Variants in MAN1A2 observed in about 807,000 individuals in gnomAD.
The protein encoded by MAN1A2 is mannosidase alpha class 1A member 2, also known as mannosyl-oligosaccharide 1,2-alpha-mannosidase IB.
A neutral mutation model predicts 75.7 loss-of-function variants in MAN1A2; 26 were observed. The observed-to-expected ratio is 0.34, with a 90% confidence interval of 0.25 to 0.48. MAN1A2 has a LOEUF of 0.48. Among genes scored for constraint, MAN1A2 ranks in the 20% least tolerant of loss-of-function variants. The pLI is 0.99. For missense variants in MAN1A2, 562 were observed against 775.5 expected, an observed-to-expected ratio of 0.72 and a Z score of 3.27; for synonymous variants, 247 against 264.6, an observed-to-expected ratio of 0.93 and a Z score of 0.65.
chr1:117,398,436 G>T (rs1324591602), intron 1 of MAN1A2, among the ~76,000 whole-genome samples: 1 of 152,196 alleles, frequency 6.6e-6, no homozygotes, highest in African/African-American at 2.4e-5. Context: ...CACTTTGGGA[G>T]CCTGAGGTGG....
intron 3 of MAN1A2, among the ~76,000 whole-genome samples, chr1:117,406,056 G>A (rs529340985): frequency 1.3e-5 from 2 of 152,126 alleles, no homozygotes; most frequent in South Asian, 2.1e-4. Flanking sequence ...GACATACCTG[G>A]GATGATTGGG....
At chr1:117,509,954 A>T (rs950565628) in intron 12 of MAN1A2, among the ~76,000 whole-genome samples, 4 of 151,678 alleles carry the variant, frequency 2.6e-5, no homozygotes, top group Admixed American at 6.6e-5. Context: ...TATAATATAT[A>T]TCCTTTAGCC....
At position 117,469,596 on chromosome 1, in the gene MAN1A2, ACTC is replaced by A. The variant is rs1650086059; in HGVS notation, c.1168+3172_1168+3174del. ...GGTCTATACACAGAATATATAAAGA[ACTC>A]CTACAACTCACTAACAGAAGGCAAA... On this transcript the variant is annotated intron_variant, in intron 8 of 12. Coordinates refer to ENST00000356554, the MANE Select transcript of MAN1A2 (RefSeq NM_006699.5). Among the ~76,000 whole-genome samples, 2 of 152,070 alleles carry A rather than the reference ACTC, an allele frequency of 1.3e-5. 1 individual carries two copies. The highest frequency in any genetic ancestry group is 4.2e-4 in the South Asian group (2 of 4,818).
At chr1:117,383,056 T>G (rs184683631) in intron 1 of MAN1A2, among the ~76,000 whole-genome samples, 1 of 152,338 alleles carries the variant, frequency 6.6e-6, no homozygotes, top group East Asian at 1.9e-4. Flanking sequence ...TTGCTAGAAC[T>G]TCCAGTACAG....
chr1:117,453,905 C>A (rs1381024189), intron 6 of MAN1A2, among the ~76,000 whole-genome samples: 1 of 152,114 alleles, frequency 6.6e-6, no homozygotes, highest in African/African-American at 2.4e-5. Flanking sequence ...TTGCCCCAGC[C>A]ACCCCAGCCT....
At chr1:117,403,066 T>C (rs1364602060) in intron 2 of MAN1A2, among the ~76,000 whole-genome samples, 3 of 152,198 alleles carry the variant, frequency 2.0e-5, no homozygotes, top group Non-Finnish European at 4.4e-5. Context: ...AATATTTGGG[T>C]TAAACTTTGT....
intron 7 of MAN1A2, among the ~76,000 whole-genome samples, chr1:117,461,281 A>G (rs1649811660): frequency 6.6e-6 from 1 of 152,196 alleles, no homozygotes; most frequent in Admixed American, 6.5e-5. Context: ...ACATTATGTT[A>G]AGTGAAATAA....
At chr1:117,393,476 A>AT (rs755130917) in intron 1 of MAN1A2, among the ~76,000 whole-genome samples, 1,679 of 144,928 alleles carry the variant, frequency 0.012, 13 homozygotes, top group Middle Eastern at 0.017. Context: ...TGCTTCAACT[A>AT]TTTTTTTTTT....
chr1:117,479,481 T>A lies in MAN1A2; in HGVS notation c.1168+13054T>A, dbSNP rs894313164. Among the ~76,000 whole-genome samples the A allele has an allele frequency of 7.2e-5, 11 of 152,042 alleles. No individual in the cohort carries two copies. In the East Asian group the frequency reaches 2.1e-3, roughly 30 times the overall value. On this transcript the variant is annotated intron_variant, in intron 8 of 12. Coordinates refer to ENST00000356554, the MANE Select transcript of MAN1A2 (RefSeq NM_006699.5). The stretch of plus-strand genomic sequence containing the variant: ...ATATCCAGTAATGGGGATTACTGGG[T>A]CAAATGGTATTTCTGCCTCTAGATC...
chr1:117,504,753 C>G (rs1651298651), intron 12 of MAN1A2, among the ~76,000 whole-genome samples: 1 of 151,164 alleles, frequency 6.6e-6, no homozygotes, highest in African/African-American at 2.4e-5. Context: ...TCCTGTTTTT[C>G]TTTTATCTTT....
chr1:117,451,749 C>T (rs1324176423), intron 6 of MAN1A2, among the ~76,000 whole-genome samples: 1 of 152,198 alleles, frequency 6.6e-6, no homozygotes, highest in African/African-American at 2.4e-5. Context: ...GAGGCCTCCC[C>T]AGCCACGTGG....
chr1:117,481,186 A>G (rs1274238614), intron 8 of MAN1A2, among the ~76,000 whole-genome samples: 1 of 151,678 alleles, frequency 6.6e-6, no homozygotes, highest in Non-Finnish European at 1.5e-5. Flanking sequence ...GCATTTACTT[A>G]TGCTATATTA....
intron 1 of MAN1A2, among the ~76,000 whole-genome samples, chr1:117,393,032 T>C (rs1344300027): frequency 6.6e-6 from 1 of 152,286 alleles, no homozygotes; most frequent in East Asian, 1.9e-4. Flanking sequence ...TGTTAAGGAG[T>C]GGTGATCCCA....
Position 117,523,047 on chromosome 1 carries a change from G to T in MAN1A2, c.*90G>T. ...TTGAAGGGGCGGCTTTTGAAAACCTGGACCTCTATGTCAACATGACAGGGT... is the reference window on the plus strand; with the variant it reads ...TTGAAGGGGCGGCTTTTGAAAACCTTGACCTCTATGTCAACATGACAGGGT... On this transcript the variant is annotated 3_prime_UTR_variant, in exon 13 of 13. Transcript: ENST00000356554. The T allele has an allele frequency of 7.3e-7, 1 of 1,363,220 alleles. No individual in the cohort carries two copies. Among genetic ancestry groups the T allele is most frequent in the South Asian group, 1.2e-5 (1 of 82,754 alleles). 84.4% of individuals were successfully genotyped at this position (1,363,220 alleles called of 1,614,324 possible).
chr1:117,467,743 G>T (rs1204698200), intron 8 of MAN1A2, among the ~76,000 whole-genome samples: 9 of 152,044 alleles, frequency 5.9e-5, no homozygotes, highest in Admixed American at 5.9e-4. Flanking sequence ...TAATTTGGAT[G>T]AATTCTATCA....
intron 5 of MAN1A2, among the ~76,000 whole-genome samples, chr1:117,425,211 C>G (rs914303222): frequency 1.3e-5 from 2 of 152,006 alleles, no homozygotes; most frequent in African/African-American, 4.8e-5. Flanking sequence ...TAAAAAGATG[C>G]AAAGTTTTAA....
intron 8 of MAN1A2, among the ~76,000 whole-genome samples, chr1:117,476,013 C>T (rs1181778468): frequency 6.6e-6 from 1 of 152,108 alleles, no homozygotes; most frequent in Non-Finnish European, 1.5e-5. Flanking sequence ...TTTCCACAAC[C>T]TCTCCAGCAT....
At chr1:117,437,175 T>C (rs939299182) in intron 5 of MAN1A2, among the ~76,000 whole-genome samples, 1 of 152,114 alleles carries the variant, frequency 6.6e-6, no homozygotes, top group African/African-American at 2.4e-5. Context: ...AGTTGAGAGA[T>C]GAAAATAGAT....
chr1:117,517,036 C>T (rs879352734), intron 12 of MAN1A2, among the ~76,000 whole-genome samples: 6 of 152,110 alleles, frequency 3.9e-5, no homozygotes, highest in Admixed American at 2.0e-4. Flanking sequence ...AGCAACCAGA[C>T]TGTAAAAATT....
Sources: gnomAD v4.1 joint callset for allele counts (sites outside exome capture counted in the v4.1 genomes callset) on GRCh38, gnomAD v4.1.1 for gene constraint, MANE v1.5 for transcripts, NCBI Gene and HGNC (gene_info 2026-07-23, HGNC 2026-07-21) for gene names.